The following PCDHGB1 variants were observed in gnomAD, a reference collection of about 807,000 sequenced individuals.
PCDHGB1 encodes protocadherin gamma-B1.
In PCDHGB1, 34 loss-of-function variants were observed where a neutral mutation model predicts 56.6. The ratio of observed to expected loss-of-function variants is 0.60; its 90% CI spans 0.46 to 0.80. PCDHGB1 has a LOEUF of 0.80. PCDHGB1 is among the 30% of genes least tolerant of loss of function. PCDHGB1 has a pLI of 0.00. For synonymous variants in PCDHGB1, 561 were observed against 505.9 expected (o/e 1.11, Z -1.46); for missense variants, 1,278 against 1,204.6 (o/e 1.06, Z -0.90).
chr5:141,405,279 C>G, intron 1 of PCDHGB1: 1 of 1,614,144 alleles, frequency 6.2e-7, no homozygotes, highest in Non-Finnish European at 8.5e-7. Flanking sequence ...CCCAACTATG[C>G]AGACACACTC....
chr5:141,372,498 C>T, intron 1 of PCDHGB1: 1 of 1,614,054 alleles, frequency 6.2e-7, no homozygotes, highest in Non-Finnish European at 8.5e-7. Flanking sequence ...GATCTCAGTG[C>T]TCTTCCTCCT....
intron 1 of PCDHGB1, among the ~76,000 whole-genome samples, chr5:141,481,913 C>CAAAA (rs34114744): frequency 1.1e-5 from 1 of 90,846 alleles, no homozygotes; most frequent in African/African-American, 4.2e-5. Context: ...AACTCCATCT[C>CAAAA]AAAAAAAAAA....
chr5:141,383,316 T>C (rs1779018146), intron 1 of PCDHGB1: 3 of 1,613,880 alleles, frequency 1.9e-6, no homozygotes, highest in Non-Finnish European at 1.7e-6. Context: ...AAGAAATAAA[T>C]GTAAAAATAA....
intron 1 of PCDHGB1, chr5:141,408,969 C>T (rs1005367761): frequency 3.7e-6 from 6 of 1,613,594 alleles, no homozygotes; most frequent in Non-Finnish European, 5.1e-6. Context: ...GAAAATCTGC[C>T]CCCTGGGTCC....
Position 141,361,130 on chromosome 5 carries a change from GT to G in PCDHGB1, c.2409+8462del, listed in dbSNP as rs780553353. On this transcript the variant is annotated intron_variant, in intron 1 of 3. Coordinates refer to ENST00000523390, the MANE Select transcript of PCDHGB1 (RefSeq NM_018922.3). ...CCTGGAGATCTAGCAGCCCACTGCA[GT>G]ATCCAAGTTGAAATTCTTGATGACA... The G allele has an allele frequency of 1.2e-4, 192 of 1,613,888 alleles. 1 individual carries two copies. The Admixed American group carries it at 3.2e-3, about 27-fold the overall frequency.
chr5:141,417,533 A>T (rs1253836392), intron 1 of PCDHGB1: 3 of 274,888 alleles, frequency 1.1e-5, no homozygotes, highest in African/African-American at 2.2e-5. Context: ...CTCGTAGTTT[A>T]AAAAAAATTC....
intron 1 of PCDHGB1, chr5:141,409,268 A>G (rs753457286): frequency 1.5e-5 from 24 of 1,613,896 alleles, no homozygotes; most frequent in Non-Finnish European, 2.0e-5. Context: ...CTCTGATCAG[A>G]TTTTGGAGAA....
chr5:141,365,416 C>G, intron 1 of PCDHGB1: 1 of 1,613,930 alleles, frequency 6.2e-7, no homozygotes, highest in Non-Finnish European at 8.5e-7. Context: ...ACTGTCTTCC[C>G]GGAACTGTAA....
intron 1 of PCDHGB1, chr5:141,417,979 G>C (rs2096202372): frequency 6.2e-7 from 1 of 1,613,752 alleles, no homozygotes; most frequent in Admixed American, 1.7e-5. Context: ...TTCCGGAGGA[G>C]CTGGCCAAGG....
chr5:141,490,978 C>T lies in PCDHGB1; in HGVS notation c.2410-3829C>T. 6.2e-7 allele frequency: 1 copy of T among 1,614,100 alleles called. No individual in the cohort carries two copies. Among genetic ancestry groups the T allele is most frequent in the Non-Finnish European group, 8.5e-7 (1 of 1,180,034 alleles). ...GGAACACTCAGCCCCCCAGCGTCTC[C>T]CTCGCTCTGCTCCTCCTGGCTCCTT... is the stretch of plus-strand genomic sequence containing the variant. On this transcript the variant is annotated intron_variant, in intron 1 of 3. Coordinates refer to ENST00000523390, the MANE Select transcript of PCDHGB1 (RefSeq NM_018922.3). The surrounding 1 kb of genome is among the most constrained non-coding windows in gnomAD (Gnocchi z 5.4).
chr5:141,462,486 G>A (rs62379193), intron 1 of PCDHGB1, among the ~76,000 whole-genome samples: 5,124 of 152,042 alleles, frequency 0.034, 100 homozygotes, highest in Middle Eastern at 0.088. Flanking sequence ...CGTGGTTGTT[G>A]TATCCTATAA....
Position 141,485,227 on chromosome 5 carries a change from G to T in PCDHGB1, c.2410-9580G>T. Reference sequence around the variant, plus strand: ...AAATCTGGCGGTGGGCTACCCTTTTGTTCCTCTTTTACCACCTGGGTTACG... The same window carrying T: ...AAATCTGGCGGTGGGCTACCCTTTTTTTCCTCTTTTACCACCTGGGTTACG... On this transcript the variant is annotated intron_variant, in intron 1 of 3. Transcript: ENST00000523390. The surrounding 1 kb of genome is among the most constrained non-coding windows in gnomAD (Gnocchi z 5.7). The T allele has an allele frequency of 6.2e-7, 1 of 1,614,186 alleles. No individual in the cohort carries two copies. Among genetic ancestry groups the T allele is most frequent in the Non-Finnish European group, 8.5e-7 (1 of 1,180,020 alleles).
intron 1 of PCDHGB1, chr5:141,355,776 A>T: frequency 6.2e-7 from 1 of 1,613,874 alleles, no homozygotes; most frequent in Non-Finnish European, 8.5e-7. Flanking sequence ...TTAAGTACCC[A>T]GAGCTGGTGC....
intron 1 of PCDHGB1, chr5:141,415,857 T>G (rs1271614762): frequency 1.7e-6 from 2 of 1,194,900 alleles, no homozygotes; most frequent in Non-Finnish European, 2.2e-6. Flanking sequence ...AACCTTGTAG[T>G]TTATAGTGTT....
chr5:141,365,657 G>A (rs79266084), intron 1 of PCDHGB1: 42,341 of 1,613,360 alleles, frequency 0.026, 713 homozygotes, highest in East Asian at 0.041. Flanking sequence ...CTTGAAAGTA[G>A]CAGACGTTAA....
intron 1 of PCDHGB1, chr5:141,428,181 AG>A (rs776102500): frequency 6.7e-7 from 1 of 1,486,230 alleles, no homozygotes; most frequent in Admixed American, 1.8e-5. Context: ...GACGGAGGAC[AG>A]CCGCCGCTCT....
rs1259562533 is a variant in PCDHGB1 at position 141,482,788 on chromosome 5, G to T, written c.2410-12019G>T. 2.6e-5 allele frequency among the ~76,000 whole-genome samples: 4 copies of T among 152,184 alleles called. 1 individual carries two copies. Among genetic ancestry groups the T allele is most frequent in the Admixed American group, 2.6e-4 (4 of 15,278 alleles). ...TATCACTGAACCTTAAACTGTGTGTGTGGCCGGGTACGGTGGCTCATGCCT... is the reference window on the plus strand; with the variant it reads ...TATCACTGAACCTTAAACTGTGTGTTTGGCCGGGTACGGTGGCTCATGCCT... On this transcript the variant is annotated intron_variant, in intron 1 of 3. Transcript: ENST00000523390.
At chr5:141,395,309 CATT>C in intron 1 of PCDHGB1, 1 of 1,506,030 alleles carries the variant, frequency 6.6e-7, no homozygotes, top group Non-Finnish European at 8.9e-7. Flanking sequence ...TTTTGAAAAA[CATT>C]GTGAAGATAG....
At chr5:141,455,058 C>G (rs1350223657) in intron 1 of PCDHGB1, among the ~76,000 whole-genome samples, 9 of 151,814 alleles carry the variant, frequency 5.9e-5, no homozygotes, top group Admixed American at 5.9e-4. Context: ...GTGATCCGCC[C>G]GCCTCGGCCT....
Sources: gnomAD v4.1 joint callset for allele counts (sites outside exome capture counted in the v4.1 genomes callset) on GRCh38, gnomAD v4.1.1 for gene constraint, Gnocchi (gnomAD v3.1) non-coding constraint, MANE v1.5 for transcripts, NCBI Gene and HGNC (gene_info 2026-07-23, HGNC 2026-07-21) for gene names.